Variants in DCAF7 observed in about 807,000 individuals in gnomAD.
The protein encoded by DCAF7 is DDB1 and CUL4 associated factor 7, also known as DDB1- and CUL4-associated factor 7.
In DCAF7, 4 loss-of-function variants were observed where a neutral mutation model predicts 41.2. The observed-to-expected ratio is 0.10, with a 90% CI of 0.05 to 0.22. The LOEUF is 0.22. Among genes scored for constraint, DCAF7 ranks in the 10% least tolerant of loss-of-function variants. DCAF7 has a pLI of 1.00. For synonymous variants in DCAF7, 143 were observed against 164.2 expected (o/e 0.87, Z 0.99); for missense variants, 131 against 443.2 (o/e 0.30, Z 6.32).
Position 63,570,138 on chromosome 17 carries a change from C to A in DCAF7, c.139-8332C>A, listed in dbSNP as rs180672091. On this transcript the variant is annotated intron_variant, in intron 1 of 6. Coordinates refer to ENST00000614556, the MANE Select transcript of DCAF7 (RefSeq NM_005828.5). ...TGATTCATTACAGGGATGTTGGTCACATCAGCCTAACAGCTGACAGAAATG... is the reference window on the plus strand; with the variant it reads ...TGATTCATTACAGGGATGTTGGTCAAATCAGCCTAACAGCTGACAGAAATG... Among the ~76,000 whole-genome samples the A allele has an allele frequency of 1.2e-4, 18 of 152,236 alleles. 1 individual carries two copies. The highest frequency in any genetic ancestry group is 9.8e-4 in the Admixed American group (15 of 15,288).
chr17:63,577,196 TGTGGGG>T (rs2033571791), intron 1 of DCAF7, among the ~76,000 whole-genome samples: 1 of 152,182 alleles, frequency 6.6e-6, no homozygotes, highest in African/African-American at 2.4e-5. Context: ...TATATCTTAC[TGTGGGG>T]GTTATACAAC....
In DCAF7 at chr17:63,585,291, TTGGGC is replaced by T; in HGVS notation, c.820_824del (p.Trp274ProfsTer13). The T allele has an allele frequency of 6.2e-7, 1 of 1,614,038 alleles. No homozygotes were observed. Among genetic ancestry groups the T allele is most frequent in the Non-Finnish European group, 8.5e-7 (1 of 1,179,902 alleles). ...ATCGAGCATGTGTCAATGGCATTGC[TTGGGC>T]CCCACATTCATCCTGCCACATCTGC... On this transcript the variant is annotated frameshift_variant, in exon 6 of 7. Transcript: ENST00000614556. LOFTEE classifies it high-confidence loss of function.
intron 1 of DCAF7, among the ~76,000 whole-genome samples, chr17:63,558,100 G>T (rs2033329723): frequency 6.6e-6 from 1 of 152,082 alleles, no homozygotes; most frequent in Admixed American, 6.6e-5. Flanking sequence ...TTGCCATGTT[G>T]CCCAGGCTGG....
intron 1 of DCAF7, among the ~76,000 whole-genome samples, chr17:63,572,297 T>C (rs765109840): frequency 4.6e-5 from 7 of 151,936 alleles, no homozygotes; most frequent in Non-Finnish European, 7.4e-5. Flanking sequence ...AGCTAGCAGG[T>C]GGTTAAGTGG....
chr17:63,582,066 T>TA (rs2033628527), intron 4 of DCAF7, among the ~76,000 whole-genome samples: 1 of 151,762 alleles, frequency 6.6e-6, no homozygotes, highest in Admixed American at 6.6e-5. Context: ...CATTGGGGGG[T>TA]ATACATATTG....
At chr17:63,578,342 C>A in intron 1 of DCAF7, 128 bp from the exon 2 acceptor site, 1 of 1,333,458 alleles carries the variant, frequency 7.5e-7, no homozygotes, top group Non-Finnish European at 1.0e-6. Context: ...CCAGCCTGGG[C>A]AACAGAGCAA....
At chr17:63,577,879 T>C (rs913754024) in intron 1 of DCAF7, among the ~76,000 whole-genome samples, 8 of 152,276 alleles carry the variant, frequency 5.3e-5, no homozygotes, top group Middle Eastern at 3.4e-3. Flanking sequence ...AGTGCACTTA[T>C]GTAGTTGGAG....
At chr17:63,580,180 C>T (rs2033605914) in intron 4 of DCAF7, among the ~76,000 whole-genome samples, 1 of 152,068 alleles carries the variant, frequency 6.6e-6, no homozygotes, top group Non-Finnish European at 1.5e-5. Flanking sequence ...TTGTTCTTTT[C>T]ATGCCAGAGG....
chr17:63,561,964 G>A (rs1238842513), intron 1 of DCAF7, among the ~76,000 whole-genome samples: 3 of 147,368 alleles, frequency 2.0e-5, no homozygotes, highest in African/African-American at 7.6e-5. Flanking sequence ...CAGAACTAGA[G>A]TGCTGTCTGT....
intron 1 of DCAF7, among the ~76,000 whole-genome samples, chr17:63,564,134 T>TACACACACACACACAC (rs2033414641): frequency 1.9e-5 from 2 of 107,508 alleles, no homozygotes; most frequent in Non-Finnish European, 4.3e-5. Context: ...ATGTTAACTT[T>TACACACACACACACAC]ATACACACAC....
At position 63,551,624 on chromosome 17, in the gene DCAF7, A is replaced by G. The variant is rs2033255405; in HGVS notation, c.138+809A>G. Among the ~76,000 whole-genome samples the G allele has an allele frequency of 2.0e-5, 3 of 152,168 alleles. No homozygotes were observed. The South Asian group carries it at 6.2e-4, about 32-fold the overall frequency. On this transcript the variant is annotated intron_variant, in intron 1 of 6. Coordinates refer to ENST00000614556, the MANE Select transcript of DCAF7 (RefSeq NM_005828.5). ...CTCATTTTTGAAAGTTGAATAAGTC[A>G]GTTGGAAGAATTTTCTTTCTTCCTT...
intron 1 of DCAF7, among the ~76,000 whole-genome samples, chr17:63,555,103 T>C (rs1485598124): frequency 6.6e-6 from 1 of 152,238 alleles, no homozygotes; most frequent in Non-Finnish European, 1.5e-5. Context: ...TTTGACAATA[T>C]GTTTGGTCTT....
At chr17:63,574,987 C>G (rs1273042804) in intron 1 of DCAF7, among the ~76,000 whole-genome samples, 1 of 151,442 alleles carries the variant, frequency 6.6e-6, no homozygotes, top group Non-Finnish European at 1.5e-5. Context: ...AAATAAAACA[C>G]AATTTCATTT....
At chr17:63,587,760 A>G (rs1189228350) in intron 6 of DCAF7, among the ~76,000 whole-genome samples, 1 of 152,168 alleles carries the variant, frequency 6.6e-6, no homozygotes, top group East Asian at 1.9e-4. Flanking sequence ...GTCAGGGTAC[A>G]CTGCAGCTCT....
At chr17:63,561,599 G>T (rs974151243) in intron 1 of DCAF7, among the ~76,000 whole-genome samples, 2 of 152,064 alleles carry the variant, frequency 1.3e-5, no homozygotes, top group African/African-American at 4.8e-5. Flanking sequence ...CATGCCTGTG[G>T]TTTCAGCTAC....
intron 6 of DCAF7, among the ~76,000 whole-genome samples, chr17:63,585,565 T>C (rs1450554458): frequency 6.6e-6 from 1 of 152,384 alleles, no homozygotes; most frequent in East Asian, 1.9e-4. Context: ...GTGTCAGTTA[T>C]AGGGCTGTGC....
At chr17:63,588,083 C>T (rs1368363283) in intron 6 of DCAF7, among the ~76,000 whole-genome samples, 1 of 151,390 alleles carries the variant, frequency 6.6e-6, no homozygotes, top group African/African-American at 2.4e-5. Context: ...CTTAGTATTG[C>T]CATCATTCTC....
At chr17:63,587,837 T>C (rs1477244766) in intron 6 of DCAF7, among the ~76,000 whole-genome samples, 4 of 151,938 alleles carry the variant, frequency 2.6e-5, no homozygotes, top group Non-Finnish European at 5.9e-5. Context: ...AAAAGTAATA[T>C]AGGCCAGGTG....
chr17:63,551,428 C>T (rs1285426625), intron 1 of DCAF7, among the ~76,000 whole-genome samples: 1 of 151,950 alleles, frequency 6.6e-6, no homozygotes, highest in African/African-American at 2.4e-5. Context: ...CATGATCCCG[C>T]CGTTGTTTCC....
Sources: gnomAD v4.1 joint callset for allele counts (sites outside exome capture counted in the v4.1 genomes callset) on GRCh38, gnomAD v4.1.1 for gene constraint, MANE v1.5 for transcripts, NCBI Gene and HGNC (gene_info 2026-07-23, HGNC 2026-07-21) for gene names.